Variants in JMY observed in about 807,000 individuals in gnomAD.
The protein encoded by JMY is junction-mediating and -regulatory protein.
JMY carries 46 observed loss-of-function variants against 103.3 expected under a neutral mutation model. That is an observed-to-expected ratio of 0.45 (90% CI 0.35 to 0.57). The LOEUF is 0.57. JMY is among the 20% of genes least tolerant of loss of function. The pLI, the probability that JMY is intolerant of heterozygous loss-of-function variation, is 0.00. For synonymous variants in JMY, 526 were observed against 489.3 expected (o/e 1.07, Z -0.99); for missense variants, 1,238 against 1,255.2 (o/e 0.99, Z 0.21).
intron 1 of JMY, among the ~76,000 whole-genome samples, chr5:79,240,021 TC>T (rs1265235289): frequency 1.3e-5 from 2 of 151,474 alleles, no homozygotes; most frequent in Non-Finnish European, 2.9e-5. Flanking sequence ...TTTTTTTCTT[TC>T]TTTTTTTTTT....
rs937311578 is a variant in JMY at position 79,237,093 on chromosome 5, C to T, written c.443C>T (p.Pro148Leu). ...CTTAGGAGCCCAGTGCGGGCCAAAC[C>T]CATCCCGGGTCAGAAAACATCTGAA... ...SRLRSPVRAK[P>L]IPGQKTSEAD... The change falls in exon 1 of 11, where the codon CCC (proline) becomes CTC (leucine). Residue 148 changes from proline to leucine, a missense_variant. Pro to Leu is a moderately conservative substitution (Grantham distance 98). Transcript: ENST00000396137. The T allele has an allele frequency of 6.5e-6, 10 of 1,547,728 alleles. No individual in the cohort carries two copies. The African/African-American group carries it at 9.6e-5, about 15-fold the overall frequency.
In JMY at chr5:79,314,628, A is replaced by ACCTCCCCCACCTCCTCCC; in HGVS notation, c.2448_2465dup (p.Pro820_Pro825dup). 1 of 1,128,852 alleles carries ACCTCCCCCACCTCCTCCC rather than the reference A, an allele frequency of 8.9e-7. No homozygotes were observed. Among genetic ancestry groups the ACCTCCCCCACCTCCTCCC allele is most frequent in the East Asian group, 3.8e-5 (1 of 26,500 alleles). The allele number at this position is 1,128,852 out of a possible 1,614,324, so 69.9% of individuals were successfully genotyped here. A position where few individuals can be genotyped will look rare whatever the true frequency, so the allele number is the denominator to read the frequency against. On this transcript the variant is annotated inframe_insertion, in exon 9 of 11. Coordinates refer to ENST00000396137, the MANE Select transcript of JMY (RefSeq NM_152405.5). ...CATCCCCTCTTCCTCCAACACCACC[A>ACCTCCCCCACCTCCTCCC]CCTCCCCCACCTCCTCCCCCTCCCC...
At chr5:79,303,908 G>T (rs1444998712) in intron 6 of JMY, among the ~76,000 whole-genome samples, 3 of 152,054 alleles carry the variant, frequency 2.0e-5, no homozygotes, top group Admixed American at 6.5e-5. Flanking sequence ...GTGACTGACG[G>T]AATAGCAAAG....
chr5:79,321,081 A>G (rs1423259171), intron 10 of JMY, among the ~76,000 whole-genome samples: 1 of 152,258 alleles, frequency 6.6e-6, no homozygotes, highest in Non-Finnish European at 1.5e-5. Flanking sequence ...AAAATGCAGA[A>G]CTGTATTAAG....
chr5:79,258,794 C>T (rs1745332730), intron 1 of JMY, among the ~76,000 whole-genome samples: 1 of 152,130 alleles, frequency 6.6e-6, no homozygotes, highest in Non-Finnish European at 1.5e-5. Flanking sequence ...TGGGGAGCTC[C>T]TAGGTCTGGG....
Position 79,300,137 on chromosome 5 carries a change from T to G in JMY, c.1528-16T>G, listed in dbSNP as rs1746688202. The G allele has an allele frequency of 1.9e-6, 3 of 1,611,232 alleles. No individual in the cohort carries two copies. The East Asian group carries it at 6.7e-5, about 36-fold the overall frequency. ...CCCACCAGCTAGAAATTTTTTAATT[T>G]GTATTTTCAATGCAGATGCAGAGTT... On this transcript the variant is annotated splice_polypyrimidine_tract_variant and intron_variant, in intron 4 of 10. Coordinates refer to ENST00000396137, the MANE Select transcript of JMY (RefSeq NM_152405.5).
intron 7 of JMY, among the ~76,000 whole-genome samples, chr5:79,310,903 G>T (rs1046424861): frequency 3.9e-5 from 6 of 152,092 alleles, no homozygotes; most frequent in Admixed American, 2.6e-4. Context: ...CCTTTGGGAG[G>T]CCGAAGCAGG....
intron 2 of JMY, chr5:79,284,741 C>T: frequency 1.9e-6 from 3 of 1,588,458 alleles, no homozygotes; most frequent in Non-Finnish European, 2.6e-6. Context: ...TTGAGACCAT[C>T]AGATGCAATT....
chr5:79,312,441 T>C lies in JMY; in HGVS notation c.2007T>C (p.Ser669=), dbSNP rs764726639. ...TACATGATGAAGAAGAAAGAAAAAG[T>C]GCCTGGGTTAGCCAAGAGAGACAGA... is the stretch of plus-strand genomic sequence containing the variant. ...EKLHDEEERK[S]AWVSQERQRT... is the part of the protein sequence containing the mutation. The change falls in exon 8 of 11, where the codon AGT becomes AGC. Residue 669 remains serine (S), a synonymous_variant. Transcript: ENST00000396137. 25 of 1,588,364 alleles carry C rather than the reference T, an allele frequency of 1.6e-5. No individual in the cohort carries two copies. The South Asian group carries it at 2.8e-4, about 18-fold the overall frequency.
rs1177998456 is a variant in JMY at position 79,240,081 on chromosome 5, T to TC, written c.1032+2400dup. On this transcript the variant is annotated intron_variant, in intron 1 of 10. Transcript: ENST00000396137. ...CCCAGGCTGAAGTGTAGTGGCGCGA[T>TC]CTTGGCTCACTGCAACCTCTGCCTC... Among the ~76,000 whole-genome samples the TC allele has an allele frequency of 4.6e-5, 7 of 151,802 alleles. No individual in the cohort carries two copies. The South Asian group carries it at 6.2e-4, about 14-fold the overall frequency.
In JMY at chr5:79,314,483, C is replaced by T; in HGVS notation, c.2291C>T (p.Thr764Ile). 1 of 1,614,184 alleles carries T rather than the reference C, an allele frequency of 6.2e-7. No homozygotes were observed. The highest frequency in any genetic ancestry group is 8.5e-7 in the Non-Finnish European group (1 of 1,180,026). Reference protein sequence around the residue: ...SLVQLEDTSLTQLEATSLPLS... With the variant: ...SLVQLEDTSLIQLEATSLPLS... Reference sequence around the variant, plus strand: ...GTGCAACTTGAAGATACTTCATTAACACAACTTGAAGCCACCTCATTACCT... The same window carrying T: ...GTGCAACTTGAAGATACTTCATTAATACAACTTGAAGCCACCTCATTACCT... The change falls in exon 9 of 11, where the codon ACA becomes ATA. Residue 764 changes from threonine to isoleucine, a missense_variant. Thr to Ile is a moderately conservative substitution (Grantham distance 89). Transcript: ENST00000396137.
At chr5:79,272,851 GTCTCAAAC>G (rs1285080970) in intron 1 of JMY, among the ~76,000 whole-genome samples, 1 of 152,132 alleles carries the variant, frequency 6.6e-6, no homozygotes, top group Non-Finnish European at 1.5e-5. Flanking sequence ...GGCCAGGCTG[GTCTCAAAC>G]TCCCAACCTC....
Position 79,236,599 on chromosome 5 carries a change from T to C in JMY, c.-52T>C. 4 of 1,319,050 alleles carry C rather than the reference T, an allele frequency of 3.0e-6. No individual in the cohort carries two copies. Among genetic ancestry groups the C allele is most frequent in the Non-Finnish European group, 3.9e-6 (4 of 1,022,672 alleles). 81.7% of individuals were successfully genotyped at this position (1,319,050 alleles called of 1,614,324 possible). On this transcript the variant is annotated 5_prime_UTR_variant, in exon 1 of 11. Transcript: ENST00000396137. ...GCGCGGCGCAGCCAGCGGGGAGTCC[T>C]CGGGCGGGCCGGGCCGGCGGCCCTT... is the stretch of plus-strand genomic sequence containing the variant.
rs541738350 is a variant in JMY, at chr5:79,322,865, A to G, written c.*1263A>G. 6.6e-6 allele frequency: 1 copy of G among 152,328 alleles called. No homozygotes were observed. The highest frequency in any genetic ancestry group is 1.9e-4 in the East Asian group (1 of 5,190). The allele number at this position is 152,328 out of a possible 1,614,324, so 9.4% of individuals were successfully genotyped here. On this transcript the variant is annotated 3_prime_UTR_variant, in exon 11 of 11. Coordinates refer to ENST00000396137, the MANE Select transcript of JMY (RefSeq NM_152405.5). Reference sequence around the variant, plus strand: ...TTTCTGTGGAGGGAGTTAAGAACTAAAATACCAAAAATCACTTTATTTCTT... The same window carrying G: ...TTTCTGTGGAGGGAGTTAAGAACTAGAATACCAAAAATCACTTTATTTCTT...
intron 6 of JMY, among the ~76,000 whole-genome samples, chr5:79,302,083 CAA>C (rs33983370): frequency 6.1e-4 from 63 of 102,568 alleles, no homozygotes; most frequent in African/African-American, 2.1e-3. Context: ...AACTCCGTCT[CAA>C]AAAAAAAAAA....
intron 1 of JMY, among the ~76,000 whole-genome samples, chr5:79,273,214 T>C (rs1745837108): frequency 6.6e-6 from 1 of 152,222 alleles, no homozygotes; most frequent in Admixed American, 6.5e-5. Flanking sequence ...TTAAAGAACA[T>C]TTCTTATGGT....
chr5:79,249,730 T>C (rs577022757), intron 1 of JMY, among the ~76,000 whole-genome samples: 6 of 152,320 alleles, frequency 3.9e-5, no homozygotes, highest in Admixed American at 2.0e-4. Flanking sequence ...GTTACTCTAT[T>C]CAAGTTTTCC....
chr5:79,269,931 A>G (rs1179278970), intron 1 of JMY, among the ~76,000 whole-genome samples: 2 of 151,832 alleles, frequency 1.3e-5, no homozygotes, highest in Admixed American at 6.6e-5. Flanking sequence ...ATGTCCTACT[A>G]TGTTGCCCAG....
At chr5:79,286,099 AG>A (rs1746259497) in intron 2 of JMY, among the ~76,000 whole-genome samples, 1 of 152,212 alleles carries the variant, frequency 6.6e-6, no homozygotes, top group African/African-American at 2.4e-5. Flanking sequence ...AAAAGTACTT[AG>A]TACCCTTGTT....
Sources: gnomAD v4.1 joint callset for allele counts (sites outside exome capture counted in the v4.1 genomes callset) on GRCh38, gnomAD v4.1.1 for gene constraint, MANE v1.5 for transcripts, NCBI Gene and HGNC (gene_info 2026-07-23, HGNC 2026-07-21) for gene names.